Variants in KCNN3 observed in about 807,000 individuals in gnomAD.
KCNN3 encodes the protein potassium calcium-activated channel subfamily N member 3.
In KCNN3, 16 loss-of-function variants were observed where a neutral mutation model predicts 62.9. The observed-to-expected ratio is 0.25, with a 90% CI of 0.17 to 0.39. KCNN3 has a LOEUF of 0.39. KCNN3 is among the 10% of genes least tolerant of loss of function. The pLI, the probability that KCNN3 is intolerant of heterozygous loss-of-function variation, is 1.00. For synonymous variants in KCNN3, 370 were observed against 389.2 expected, an observed-to-expected ratio of 0.95 and a Z score of 0.58; for missense variants, 599 against 949.4, an observed-to-expected ratio of 0.63 and a Z score of 4.85.
intron 2 of KCNN3, among the ~76,000 whole-genome samples, chr1:154,800,576 G>A (rs1649913278): frequency 1.3e-5 from 2 of 152,064 alleles, no homozygotes; most frequent in Admixed American, 1.3e-4. Flanking sequence ...AGACCCACAG[G>A]AAAAGCAGAC....
chr1:154,716,697 G>A (rs1216603425), intron 5 of KCNN3, among the ~76,000 whole-genome samples: 1 of 152,212 alleles, frequency 6.6e-6, no homozygotes, highest in Non-Finnish European at 1.5e-5. Flanking sequence ...AGTTTTAAAT[G>A]ACTTAACTGC....
At position 154,772,118 on chromosome 1, in the gene KCNN3, G is replaced by A. The variant is rs759396427; in HGVS notation, c.1305C>T (p.Arg435=). The change falls in exon 3 of 8, where the codon CGC becomes CGT. Residue 435 remains arginine (R), a synonymous_variant. Transcript: ENST00000271915. This position sits in a 1 kb window ranked among gnomAD's most constrained non-coding sequence, Gnocchi z 5.6. The stretch of plus-strand genomic sequence containing the variant: ...TGATCTTGTTGAGGGCCCCGATGCT[G>A]CGGGACGAGGCATCGGTGAAGAGCT... ...HSKLFTDASS[R]SIGALNKINF... 6 of 1,614,230 alleles carry A rather than the reference G, an allele frequency of 3.7e-6. No individual in the cohort carries two copies. The highest frequency in any genetic ancestry group is 2.2e-5 in the South Asian group (2 of 91,084).
Position 154,869,426 on chromosome 1 carries a change from T to A in KCNN3, c.539A>T (p.Tyr180Phe). The stretch of plus-strand genomic sequence containing the variant: ...GAGGGGCTTCATGACCCCACCGCTA[T>A]ACTTGCAGGAGCTCATGGCGATCTC... ...FTEIAMSSCK[Y>F]SGGVMKPLSR... Residue 180 changes from tyrosine to phenylalanine, a missense_variant, in exon 1 of 8, where the codon TAT becomes TTT. Transcript: ENST00000271915. The surrounding 1 kb of genome is among the most constrained non-coding windows in gnomAD (Gnocchi z 6.1). 6.2e-7 allele frequency: 1 copy of A among 1,614,052 alleles called. No homozygotes were observed. The highest frequency in any genetic ancestry group is 8.5e-7 in the Non-Finnish European group (1 of 1,179,954).
intron 3 of KCNN3, among the ~76,000 whole-genome samples, chr1:154,757,651 C>T (rs895969175): frequency 2.6e-5 from 4 of 152,032 alleles, no homozygotes; most frequent in Admixed American, 6.5e-5. Context: ...AAAATAATGC[C>T]GAGGAAATGG....
At chr1:154,844,456 C>T (rs1391174659) in intron 1 of KCNN3, among the ~76,000 whole-genome samples, 7 of 152,150 alleles carry the variant, frequency 4.6e-5, no homozygotes, top group Admixed American at 6.5e-5. Flanking sequence ...GCCTGGGTGC[C>T]GGGCATCGCG....
intron 3 of KCNN3, among the ~76,000 whole-genome samples, chr1:154,752,903 C>A (rs189012545): frequency 3.9e-5 from 6 of 152,294 alleles, no homozygotes; most frequent in African/African-American, 1.4e-4. Context: ...TGTGGTCACC[C>A]TTGACTAGGC....
intron 2 of KCNN3, among the ~76,000 whole-genome samples, chr1:154,791,281 T>C (rs1342196814): frequency 8.2e-5 from 12 of 145,834 alleles, no homozygotes; most frequent in African/African-American, 2.5e-4. Context: ...ACGTGTATCA[T>C]ACCACTTTTT....
intron 2 of KCNN3, among the ~76,000 whole-genome samples, chr1:154,790,360 T>C (rs960154094): frequency 6.6e-6 from 1 of 152,240 alleles, no homozygotes; most frequent in Non-Finnish European, 1.5e-5. Flanking sequence ...TTGAAAATAT[T>C]GTAAGTAGAA....
intron 7 of KCNN3, among the ~76,000 whole-genome samples, chr1:154,710,613 T>C (rs1700054342): frequency 6.6e-6 from 1 of 152,206 alleles, no homozygotes; most frequent in Non-Finnish European, 1.5e-5. Flanking sequence ...GCCCCATCTC[T>C]CCAAGAGGCC....
intron 1 of KCNN3, among the ~76,000 whole-genome samples, chr1:154,854,693 T>C (rs540396961): frequency 6.6e-6 from 1 of 152,328 alleles, no homozygotes; most frequent in African/African-American, 2.4e-5. Flanking sequence ...AGCTGAAAAA[T>C]TCCTATCACT....
chr1:154,708,878 G>C (rs995212579), intron 7 of KCNN3, among the ~76,000 whole-genome samples: 2 of 152,186 alleles, frequency 1.3e-5, no homozygotes, highest in African/African-American at 4.8e-5. Flanking sequence ...CAGGCACAGT[G>C]CTTAGCCAAA....
At position 154,719,998 on chromosome 1, in the gene KCNN3, A is replaced by G. The variant is rs138143074; in HGVS notation, c.1702-4995T>C. ...GGAGCTTGAGGTTCTCCCTGTAGCA[A>G]TATGGTAATGGGTGGTGGATAATTC... is the stretch of plus-strand genomic sequence containing the variant. On this transcript the variant is annotated intron_variant, in intron 5 of 7. Transcript: ENST00000271915. Among the ~76,000 whole-genome samples the G allele has an allele frequency of 6.5e-3, 990 of 152,292 alleles. 16 individuals are homozygous for G. Among genetic ancestry groups the G allele is most frequent in the African/African-American group, 0.023 (938 of 41,560 alleles).
chr1:154,733,104 C>A lies in KCNN3; in HGVS notation c.1489G>T (p.Ala497Ser). The A allele has an allele frequency of 6.2e-7, 1 of 1,614,150 alleles. No homozygotes were observed. The highest frequency in any genetic ancestry group is 1.1e-5 in the South Asian group (1 of 91,078). Residue 497 changes from alanine to serine, a missense_variant, in exon 4 of 8, where the codon GCC becomes TCC. By Grantham distance (99) the Ala-to-Ser change is moderately conservative. This residue lies in a region of KCNN3 where 288 missense variants were observed against 557.4 expected (regional missense o/e 0.52). Coordinates refer to ENST00000271915, the MANE Select transcript of KCNN3 (RefSeq NM_002249.6). Reference protein sequence around the residue: ...QQDVTSNFLGAMWLISITFLS... With the variant: ...QQDVTSNFLGSMWLISITFLS... ...AATGTGATGGAGATGAGCCACATGG[C>A]ACCCAGAAAGTTACTAGTTACGTCC...
chr1:154,818,431 G>T, intron 2 of KCNN3, among the ~76,000 whole-genome samples: 1 of 152,218 alleles, frequency 6.6e-6, no homozygotes, highest in Non-Finnish European at 1.5e-5. Context: ...AGGCCCTGGG[G>T]TTCCTGCACT....
Position 154,800,564 on chromosome 1 carries a change from C to G in KCNN3, c.1029+21525G>C, listed in dbSNP as rs1439555750. On this transcript the variant is annotated intron_variant, in intron 2 of 7. Coordinates refer to ENST00000271915, the MANE Select transcript of KCNN3 (RefSeq NM_002249.6). Reference sequence around the variant, plus strand: ...GCCTTGTTATAACCTGGTGAGGATGCTAGACCCACAGGAAAAGCAGACACC... The same window carrying G: ...GCCTTGTTATAACCTGGTGAGGATGGTAGACCCACAGGAAAAGCAGACACC... Among the ~76,000 whole-genome samples, 3 of 152,084 alleles carry G rather than the reference C, an allele frequency of 2.0e-5. No individual in the cohort carries two copies. The East Asian group carries it at 5.8e-4, about 29-fold the overall frequency.
rs114385431 is a variant in KCNN3 at position 154,717,594 on chromosome 1, G to A, written c.1702-2591C>T. On this transcript the variant is annotated intron_variant, in intron 5 of 7. Transcript: ENST00000271915. ...CATCATGGCCCTCACTTAGCAATGTGACAGAACACGGAGTCCAGGTCCTGC... is the reference window on the plus strand; with the variant it reads ...CATCATGGCCCTCACTTAGCAATGTAACAGAACACGGAGTCCAGGTCCTGC... Among the ~76,000 whole-genome samples the A allele has an allele frequency of 1.5e-3, 233 of 151,578 alleles. 1 individual carries two copies. Among genetic ancestry groups the A allele is most frequent in the African/African-American group, 5.3e-3 (219 of 41,232 alleles).
chr1:154,769,785 G>A (rs757413455), intron 3 of KCNN3, among the ~76,000 whole-genome samples: 5 of 152,224 alleles, frequency 3.3e-5, no homozygotes, highest in Admixed American at 1.3e-4. Flanking sequence ...AAAACAGGAA[G>A]AGTATAGGCC....
At chr1:154,736,288 C>T (rs904994273) in intron 3 of KCNN3, among the ~76,000 whole-genome samples, 2 of 152,118 alleles carry the variant, frequency 1.3e-5, no homozygotes, top group Non-Finnish European at 2.9e-5. Context: ...GCTGAGAGGG[C>T]GCAGGTGTTA....
At chr1:154,771,867 T>C in intron 3 of KCNN3, 108 bp downstream of exon 3, 2 of 1,094,446 alleles carry the variant, frequency 1.8e-6, no homozygotes, top group Middle Eastern at 3.9e-4. Context: ...GGTGTCTGGG[T>C]ACATGCCTGT....
Sources: allele counts gnomAD v4.1 joint callset (sites outside exome capture counted in the v4.1 genomes callset), GRCh38; gene constraint gnomAD v4.1.1; regional missense constraint gnomAD v4.1.1; non-coding constraint Gnocchi (gnomAD v3.1); transcripts MANE v1.5; gene names NCBI Gene and HGNC (gene_info 2026-07-23, HGNC 2026-07-21).